The following SIPA1L2 variants were observed in gnomAD, a reference collection of about 807,000 sequenced individuals.
SIPA1L2 encodes signal induced proliferation associated 1 like 2.
A neutral mutation model predicts 163.9 loss-of-function variants in SIPA1L2; 56 were observed. The observed-to-expected ratio is 0.34, with a 90% confidence interval of 0.28 to 0.43. SIPA1L2 has a LOEUF of 0.43. Among genes scored for constraint, SIPA1L2 ranks in the 20% least tolerant of loss-of-function variants. The pLI is 1.00. For missense variants in SIPA1L2, 1,974 were observed against 2,193.5 expected, an observed-to-expected ratio of 0.90 and a Z score of 2.00; for synonymous variants, 877 against 865.7, an observed-to-expected ratio of 1.01 and a Z score of -0.23.
chr1:232,420,940 T>C (rs550461158), intron 18 of SIPA1L2, among the ~76,000 whole-genome samples: 2 of 152,366 alleles, frequency 1.3e-5, no homozygotes, highest in Non-Finnish European at 2.9e-5. Flanking sequence ...AACAAGTTTC[T>C]CACAGAGTTT....
chr1:232,414,267 T>A (rs1379856892), intron 19 of SIPA1L2, among the ~76,000 whole-genome samples: 1 of 152,192 alleles, frequency 6.6e-6, no homozygotes, highest in Non-Finnish European at 1.5e-5. Flanking sequence ...CTGTGTCCAC[T>A]TGAGAGTGGA....
chr1:232,490,292 T>C (rs1375164235), intron 5 of SIPA1L2, among the ~76,000 whole-genome samples: 1 of 152,208 alleles, frequency 6.6e-6, no homozygotes, highest in African/African-American at 2.4e-5. Context: ...CTAGTTAAAA[T>C]GCCACCTCTT....
chr1:232,486,831 G>A (rs777123264), intron 5 of SIPA1L2, among the ~76,000 whole-genome samples: 1 of 152,150 alleles, frequency 6.6e-6, no homozygotes, highest in African/African-American at 2.4e-5. Context: ...TACTCCCGGG[G>A]TATATCAGAA....
At chr1:232,555,314 G>A (rs1658638184) in intron 2 of SIPA1L2, among the ~76,000 whole-genome samples, 1 of 152,188 alleles carries the variant, frequency 6.6e-6, no homozygotes, top group African/African-American at 2.4e-5. Context: ...AAGTCTGAAT[G>A]TAATTCTATT....
intron 10 of SIPA1L2, among the ~76,000 whole-genome samples, chr1:232,449,225 C>A (rs1663400820): frequency 6.6e-6 from 1 of 152,090 alleles, no homozygotes; most frequent in Admixed American, 6.5e-5. Flanking sequence ...GAGATAAAAA[C>A]TTAAGAAAAC....
At chr1:232,549,572 C>T (rs1020212102) in intron 2 of SIPA1L2, among the ~76,000 whole-genome samples, 22 of 152,140 alleles carry the variant, frequency 1.4e-4, no homozygotes, top group Admixed American at 1.3e-3. Context: ...GATGGGAGCT[C>T]CTATTATGTG....
intron 18 of SIPA1L2, among the ~76,000 whole-genome samples, chr1:232,420,840 A>G (rs1047345705): frequency 1.3e-5 from 2 of 152,186 alleles, no homozygotes; most frequent in Admixed American, 6.5e-5. Context: ...GTCTCAAAAA[A>G]AAAGAAAGTG....
At chr1:232,628,808 T>C (rs1220861249) in intron 1 of SIPA1L2, among the ~76,000 whole-genome samples, 1 of 152,184 alleles carries the variant, frequency 6.6e-6, no homozygotes, top group Non-Finnish European at 1.5e-5. Context: ...TGTTAACGTT[T>C]AGAATGGAGA....
intron 3 of SIPA1L2, among the ~76,000 whole-genome samples, chr1:232,501,368 A>G (rs1341331199): frequency 6.6e-6 from 1 of 152,176 alleles, no homozygotes. Flanking sequence ...AATATTCATC[A>G]TATTGATGTG....
chr1:232,439,719 T>C (rs1662778730), intron 14 of SIPA1L2, among the ~76,000 whole-genome samples: 1 of 152,238 alleles, frequency 6.6e-6, no homozygotes, highest in Non-Finnish European at 1.5e-5. Context: ...TAAATGGGTA[T>C]CTTTAAGTCT....
intron 16 of SIPA1L2, among the ~76,000 whole-genome samples, chr1:232,429,450 A>AGC (rs1420938374): frequency 4.6e-5 from 7 of 152,208 alleles, no homozygotes; most frequent in Non-Finnish European, 8.8e-5. Flanking sequence ...GCTCACTGGG[A>AGC]AATTGCTAGA....
At chr1:232,448,620 G>T (rs1461434149) in intron 10 of SIPA1L2, among the ~76,000 whole-genome samples, 1 of 152,190 alleles carries the variant, frequency 6.6e-6, no homozygotes, top group African/African-American at 2.4e-5. Flanking sequence ...TGGAAGAAAG[G>T]TTATGGCTCA....
intron 5 of SIPA1L2, among the ~76,000 whole-genome samples, chr1:232,488,487 A>C (rs1665760501): frequency 6.6e-6 from 1 of 152,250 alleles, no homozygotes. Context: ...GAACATAAAC[A>C]GTATGTTTTC....
intron 11 of SIPA1L2, among the ~76,000 whole-genome samples, chr1:232,444,820 T>C (rs1022377867): frequency 5.3e-5 from 8 of 152,214 alleles, no homozygotes; most frequent in Non-Finnish European, 8.8e-5. Flanking sequence ...CAGTCCGTGG[T>C]CTATCAGACC....
At chr1:232,402,156 C>G (rs1425192548) in intron 22 of SIPA1L2, among the ~76,000 whole-genome samples, 1 of 152,184 alleles carries the variant, frequency 6.6e-6, no homozygotes, top group Non-Finnish European at 1.5e-5. Flanking sequence ...TTTGCCACAC[C>G]AAGGGCTCAT....
intron 2 of SIPA1L2, among the ~76,000 whole-genome samples, chr1:232,564,266 G>T (rs1246046370): frequency 8.6e-6 from 1 of 116,786 alleles, no homozygotes; most frequent in South Asian, 2.9e-4. Flanking sequence ...GTGTGTGTGT[G>T]TGTGTGTGTG....
At chr1:232,399,972 C>A (rs1201689160) in intron 22 of SIPA1L2, among the ~76,000 whole-genome samples, 1 of 152,144 alleles carries the variant, frequency 6.6e-6, no homozygotes, top group African/African-American at 2.4e-5. Context: ...ATGCCACCCC[C>A]AGCACTGTGC....
intron 14 of SIPA1L2, among the ~76,000 whole-genome samples, chr1:232,440,061 C>T (rs1349819678): frequency 2.0e-5 from 3 of 152,148 alleles, no homozygotes; most frequent in Admixed American, 6.5e-5. Flanking sequence ...ACGGTAAACA[C>T]GAAGTATCTC....
chr1:232,555,733 A>AATGAAAGG, intron 2 of SIPA1L2, among the ~76,000 whole-genome samples: 1 of 152,226 alleles, frequency 6.6e-6, no homozygotes, highest in African/African-American at 2.4e-5. Context: ...ATTCTAAATA[A>AATGAAAGG]ATGAAAGGAT....
Sources: gnomAD v4.1 joint callset for allele counts (sites outside exome capture counted in the v4.1 genomes callset) on GRCh38, gnomAD v4.1.1 for gene constraint, MANE v1.5 for transcripts, NCBI Gene and HGNC (gene_info 2026-07-23, HGNC 2026-07-21) for gene names.